SEMA3A: variants seen among roughly 807,000 people sequenced by gnomAD.
SEMA3A encodes semaphorin-3A.
In SEMA3A, 29 loss-of-function variants were observed where a neutral mutation model predicts 97.9. The ratio of observed to expected loss-of-function variants is 0.30; its 90% CI spans 0.22 to 0.40. SEMA3A has a LOEUF of 0.40. SEMA3A is among the 10% of genes least tolerant of loss of function. The pLI, the probability that SEMA3A is intolerant of heterozygous loss-of-function variation, is 1.00. For synonymous variants in SEMA3A, 321 were observed against 323.7 expected (o/e 0.99, Z 0.09); for missense variants, 763 against 951.3 (o/e 0.80, Z 2.60).
chr7:84,379,160 C>T (rs1562926262), intron 1 of SEMA3A, among the ~76,000 whole-genome samples: 1 of 152,090 alleles, frequency 6.6e-6, no homozygotes, highest in African/African-American at 2.4e-5. Context: ...ATCTCCTGAC[C>T]TCATGATCCG....
chr7:84,469,235 C>T (rs1259727777), intron 1 of SEMA3A, among the ~76,000 whole-genome samples: 1 of 152,084 alleles, frequency 6.6e-6, no homozygotes, highest in Non-Finnish European at 1.5e-5. Context: ...GGGAGACCTT[C>T]GCTCTTGTTA....
At chr7:84,137,366 A>T (rs1020363580) in intron 1 of SEMA3A, among the ~76,000 whole-genome samples, 1 of 143,574 alleles carries the variant, frequency 7.0e-6, no homozygotes, top group Non-Finnish European at 1.5e-5. Context: ...GCACCACTGC[A>T]CTCCAGCCTG....
At chr7:84,190,953 A>T (rs1037112070) in intron 1 of SEMA3A, among the ~76,000 whole-genome samples, 2 of 90,476 alleles carry the variant, frequency 2.2e-5, no homozygotes, top group Non-Finnish European at 4.2e-5. Context: ...ACATAAATGT[A>T]TTGGTATATA....
At chr7:84,402,993 T>C (rs1803950450) in intron 1 of SEMA3A, among the ~76,000 whole-genome samples, 1 of 152,152 alleles carries the variant, frequency 6.6e-6, no homozygotes, top group African/African-American at 2.4e-5. Flanking sequence ...AGATGATTTC[T>C]GCATTTCCAA....
intron 1 of SEMA3A, among the ~76,000 whole-genome samples, chr7:84,392,040 T>C (rs145997108): frequency 2.6e-5 from 4 of 152,158 alleles, no homozygotes; most frequent in Admixed American, 1.3e-4. Context: ...TTGAATACAA[T>C]GTGGCATTAT....
chr7:84,257,266 A>ATTT (rs201454511), intron 3 of SEMA3A, among the ~76,000 whole-genome samples: 1 of 147,964 alleles, frequency 6.8e-6, no homozygotes, highest in Non-Finnish European at 1.5e-5. Flanking sequence ...GGGCACTTTA[A>ATTT]TTTTTTTTTT....
At chr7:84,233,676 T>C (rs1252181350) in intron 3 of SEMA3A, among the ~76,000 whole-genome samples, 1 of 152,054 alleles carries the variant, frequency 6.6e-6, no homozygotes. Flanking sequence ...ACCATAGTGC[T>C]GTCCCATTCC....
In SEMA3A at chr7:84,095,348, T is replaced by A. The variant is rs1354333488; in HGVS notation, c.453+15122A>T. ...TATATATATTATATATATTTTATAT[T>A]TTTTATATACATATATATATATATA... On this transcript the variant is annotated intron_variant, in intron 4 of 16. Transcript: ENST00000265362. Among the ~76,000 whole-genome samples, 585 of 127,688 alleles carry A rather than the reference T, an allele frequency of 4.6e-3. 1 individual carries two copies. The highest frequency in any genetic ancestry group is 6.4e-3 in the East Asian group (31 of 4,808). 83.8% of individuals were successfully genotyped at this position (127,688 alleles called of 152,430 possible).
At chr7:84,042,541 G>A (rs1354186299) in intron 6 of SEMA3A, among the ~76,000 whole-genome samples, 1 of 151,974 alleles carries the variant, frequency 6.6e-6, no homozygotes. Context: ...ACAGAAGTGG[G>A]ATAAAGGATA....
chr7:84,228,598 T>C (rs1173095759), intron 3 of SEMA3A, among the ~76,000 whole-genome samples: 2 of 152,164 alleles, frequency 1.3e-5, no homozygotes, highest in African/African-American at 2.4e-5. Flanking sequence ...TTTAAACGAA[T>C]ACATTTAGAA....
chr7:84,292,145 T>C (rs895703298), intron 3 of SEMA3A, among the ~76,000 whole-genome samples: 6 of 152,200 alleles, frequency 3.9e-5, no homozygotes, highest in African/African-American at 1.4e-4. Flanking sequence ...CAAGGGAGAA[T>C]AGATCATTAT....
At chr7:84,011,116 A>C (rs1790857341) in intron 8 of SEMA3A, 25 bp from the exon 9 acceptor site, 2 of 1,607,060 alleles carry the variant, frequency 1.2e-6, no homozygotes, top group South Asian at 2.2e-5. Context: ...AATTGGAGAA[A>C]GTTGCTTTTT....
chr7:84,008,042 CTCTT>C (rs112903014), intron 9 of SEMA3A, among the ~76,000 whole-genome samples: 10,461 of 152,146 alleles, frequency 0.069, 507 homozygotes, highest in African/African-American at 0.14. Flanking sequence ...TTAAAATCAG[CTCTT>C]TCTAACACAG....
At chr7:84,381,767 A>G (rs777622896) in intron 1 of SEMA3A, among the ~76,000 whole-genome samples, 4 of 152,062 alleles carry the variant, frequency 2.6e-5, no homozygotes, top group Non-Finnish European at 5.9e-5. Context: ...CATTCCTAAC[A>G]CGCAATAGTT....
rs375518184 is a variant in SEMA3A, at chr7:83,964,376, C to T, written c.1718-1029G>A. On this transcript the variant is annotated intron_variant, in intron 15 of 16. Transcript: ENST00000265362. Reference sequence around the variant, plus strand: ...AAAAATTTTTGCTCTCTACTTCAAACTCAGCTAGATTTTTAATTTAAAAAA... The same window carrying T: ...AAAAATTTTTGCTCTCTACTTCAAATTCAGCTAGATTTTTAATTTAAAAAA... Among the ~76,000 whole-genome samples, 19 of 152,312 alleles carry T rather than the reference C, an allele frequency of 1.2e-4. 1 individual carries two copies. Among genetic ancestry groups the T allele is most frequent in the African/African-American group, 4.3e-4 (18 of 41,578 alleles).
chr7:84,081,494 G>A (rs918911358), intron 4 of SEMA3A, among the ~76,000 whole-genome samples: 4 of 151,812 alleles, frequency 2.6e-5, no homozygotes, highest in African/African-American at 9.7e-5. Flanking sequence ...CTGGGAGGCT[G>A]AGGCAGGAGA....
chr7:84,154,100 C>G (rs1216011179), intron 1 of SEMA3A, among the ~76,000 whole-genome samples: 1 of 152,004 alleles, frequency 6.6e-6, no homozygotes. Flanking sequence ...TTATAGAAAT[C>G]TTATTAAACC....
chr7:84,103,385 G>T (rs907127424), intron 4 of SEMA3A, among the ~76,000 whole-genome samples: 3 of 151,820 alleles, frequency 2.0e-5, no homozygotes, highest in African/African-American at 7.3e-5. Flanking sequence ...AGCAAATGAG[G>T]GTACTAAAAT....
At chr7:84,268,370 G>A (rs1322594781) in intron 3 of SEMA3A, among the ~76,000 whole-genome samples, 1 of 151,482 alleles carries the variant, frequency 6.6e-6, no homozygotes, top group African/African-American at 2.4e-5. Context: ...GAGGCTAGTT[G>A]TGACACTTTC....
Sources: allele counts gnomAD v4.1 joint callset (sites outside exome capture counted in the v4.1 genomes callset), GRCh38; gene constraint gnomAD v4.1.1; transcripts MANE v1.5; gene names NCBI Gene and HGNC (gene_info 2026-07-23, HGNC 2026-07-21).